PPWD1: variants seen among roughly 807,000 people sequenced by gnomAD.
PPWD1 encodes peptidylprolyl isomerase domain and WD repeat containing 1.
Under a neutral mutation model 68.8 loss-of-function variants are expected in PPWD1, and 43 were observed. The ratio of observed to expected loss-of-function variants is 0.62; its 90% confidence interval spans 0.49 to 0.81. PPWD1 has a LOEUF of 0.81. Ranked by LOEUF, PPWD1 falls within the 30% of genes least tolerant of loss-of-function variation. The pLI is 0.00. For synonymous variants in PPWD1, 232 were observed against 258.7 expected (o/e 0.90, Z 0.99); for missense variants, 672 against 804.8 (o/e 0.83, Z 2.00).
intron 7 of PPWD1, 54 bp downstream of exon 7, chr5:65,579,667 ACTTTT>A: frequency 4.6e-6 from 6 of 1,306,372 alleles, no homozygotes; most frequent in Non-Finnish European, 6.0e-6. Flanking sequence ...GTTTGGTTTG[ACTTTT>A]CTTTGTTTGT....
At chr5:65,573,302 A>T (rs940825045) in intron 5 of PPWD1, among the ~76,000 whole-genome samples, 3 of 148,576 alleles carry the variant, frequency 2.0e-5, no homozygotes, top group Non-Finnish European at 4.5e-5. Context: ...TTTATTATTT[A>T]TTTATTTAAT....
At chr5:65,566,942 T>G (rs929454174) in intron 1 of PPWD1, among the ~76,000 whole-genome samples, 1 of 152,092 alleles carries the variant, frequency 6.6e-6, no homozygotes, top group Non-Finnish European at 1.5e-5. Context: ...TGGAAAAAAT[T>G]TGAGATACAT....
chr5:65,569,891 T>C lies in PPWD1; in HGVS notation c.414T>C (p.Ser138=). The change falls in exon 4 of 11, where the codon AGT becomes AGC. Residue 138 remains serine (S), a synonymous_variant. Coordinates refer to ENST00000261308, the MANE Select transcript of PPWD1 (RefSeq NM_015342.4). ...TTATTGAAATAGGAGTTATTGAGAG[T>C]ATTGCAGTTAGCTCTGAGGGAGCAT... ...HFRSHLGVIE[S]IAVSSEGALF... is the part of the protein sequence containing the mutation. 6.2e-7 allele frequency: 1 copy of C among 1,600,666 alleles called. No homozygotes were observed. The highest frequency in any genetic ancestry group is 8.6e-7 in the Non-Finnish European group (1 of 1,168,728).
chr5:65,587,187 C>A, intron 10 of PPWD1, 66 bp from the exon 11 acceptor site: 5 of 1,449,574 alleles, frequency 3.4e-6, no homozygotes, highest in Middle Eastern at 1.8e-4. Context: ...TTAATTTGCT[C>A]AACCAGAGGA....
At chr5:65,581,641 C>T (rs1753602882) in intron 7 of PPWD1, among the ~76,000 whole-genome samples, 1 of 152,166 alleles carries the variant, frequency 6.6e-6, no homozygotes, top group Admixed American at 6.5e-5. Context: ...AACACATACA[C>T]TAATTTTCCA....
At chr5:65,577,185 G>A in intron 6 of PPWD1, 116 bp downstream of exon 6, 1 of 1,412,040 alleles carries the variant, frequency 7.1e-7, no homozygotes, top group Non-Finnish European at 9.3e-7. Flanking sequence ...GGCCCCAAAT[G>A]TCTAAACTTA....
At chr5:65,580,430 C>T (rs1405927066) in intron 7 of PPWD1, among the ~76,000 whole-genome samples, 4 of 152,154 alleles carry the variant, frequency 2.6e-5, no homozygotes, top group Non-Finnish European at 5.9e-5. Flanking sequence ...GCTTTTTAAA[C>T]TCTGGGCCTT....
chr5:65,578,708 A>T (rs1368250076), intron 6 of PPWD1, among the ~76,000 whole-genome samples: 1 of 140,434 alleles, frequency 7.1e-6, no homozygotes, highest in Admixed American at 7.3e-5. Context: ...AGAGTTCTTT[A>T]TATATATGTA....
rs1455182937 is a variant in PPWD1, at chr5:65,586,006, T to C, written c.1622T>C (p.Met541Thr). Reference sequence around the variant, plus strand: ...TGTGTACTTTCTGTTAAGGGCTTTATGATTCAGACTGGAGATCCAACAGGT... The same window carrying C: ...TGTGTACTTTCTGTTAAGGGCTTTACGATTCAGACTGGAGATCCAACAGGT... ...HTFHRIIKGF[M>T]IQTGDPTGTG... The change falls in exon 10 of 11, where the codon ATG becomes ACG. Residue 541 changes from methionine to threonine, a missense_variant. Around this residue, in one of 2 missense-constraint regions of PPWD1, gnomAD observed 484 missense variants for 646.2 expected, o/e 0.75. Coordinates refer to ENST00000261308, the MANE Select transcript of PPWD1 (RefSeq NM_015342.4). 7.4e-6 allele frequency: 12 copies of C among 1,612,526 alleles called. No individual in the cohort carries two copies. Among genetic ancestry groups the C allele is most frequent in the Non-Finnish European group, 1.0e-5 (12 of 1,178,956 alleles).
At chr5:65,575,319 G>A (rs1753231386) in intron 5 of PPWD1, among the ~76,000 whole-genome samples, 1 of 152,150 alleles carries the variant, frequency 6.6e-6, no homozygotes, top group Admixed American at 6.5e-5. Context: ...CAGCATCCTA[G>A]GCTATTCCTG....
chr5:65,567,558 C>T lies in PPWD1; in HGVS notation c.242C>T (p.Ser81Phe), dbSNP rs1222131039. Residue 81 changes from serine to phenylalanine, a missense_variant, in exon 2 of 11, where the codon TCC becomes TTC. This residue lies in a region of PPWD1 where 188 missense variants were observed against 158.6 expected (regional missense o/e 1.19). Transcript: ENST00000261308. ...RVYLDNLPSA[S>F]MYERSYMHRD... ...TATCTTGATAATCTCCCCAGTGCAT[C>T]CATGTATGAGCGCAGTTACATGCAT... 1 of 1,611,880 alleles carries T rather than the reference C, an allele frequency of 6.2e-7. No homozygotes were observed. Among genetic ancestry groups the T allele is most frequent in the Non-Finnish European group, 8.5e-7 (1 of 1,178,876 alleles).
chr5:65,571,887 T>G lies in PPWD1; in HGVS notation c.570T>G (p.Ile190Met), dbSNP rs759844011. The change falls in exon 5 of 11, where the codon ATT becomes ATG. Residue 190 changes from isoleucine to methionine, a missense_variant. Around this residue, in one of 2 missense-constraint regions of PPWD1, gnomAD observed 484 missense variants for 646.2 expected, o/e 0.75. Transcript: ENST00000261308. ...CEWIYCPGDA[I>M]SSVAASEKST... ...GGATCTATTGCCCAGGGGATGCAAT[T>G]TCTTCAGTTGCTGCTTCCGAAAAGA... is the stretch of plus-strand genomic sequence containing the variant. The G allele has an allele frequency of 6.2e-7, 1 of 1,613,944 alleles. No homozygotes were observed.
chr5:65,567,319 C>T (rs1487894387), intron 1 of PPWD1, 194 bp from the exon 2 acceptor site: 1 of 512,462 alleles, frequency 2.0e-6, no homozygotes, highest in Non-Finnish European at 2.5e-6. Flanking sequence ...AATAATGACG[C>T]TATTCAGTGC....
intron 5 of PPWD1, among the ~76,000 whole-genome samples, chr5:65,576,121 G>A (rs1753269115): frequency 6.6e-6 from 1 of 151,792 alleles, no homozygotes; most frequent in Admixed American, 6.6e-5. Context: ...TTTTTATATT[G>A]TTGAGATGAT....
intron 1 of PPWD1, chr5:65,563,735 A>G: frequency 7.0e-7 from 1 of 1,430,472 alleles, no homozygotes; most frequent in Non-Finnish European, 9.5e-7. Flanking sequence ...TTGATTTGTT[A>G]TGACAGATGC....
intron 8 of PPWD1, among the ~76,000 whole-genome samples, chr5:65,583,490 T>C (rs1581165525): frequency 6.6e-6 from 1 of 152,206 alleles, no homozygotes; most frequent in South Asian, 2.1e-4. Context: ...GATACACAAA[T>C]GTGTATCACT....
chr5:65,577,135 G>A, intron 6 of PPWD1, 66 bp downstream of exon 6: 1 of 1,531,618 alleles, frequency 6.5e-7, no homozygotes, highest in East Asian at 2.3e-5. Flanking sequence ...CTCCATCATG[G>A]GAACAGTGGG....
At chr5:65,573,487 T>TATA (rs1753118407) in intron 5 of PPWD1, among the ~76,000 whole-genome samples, 1 of 60,334 alleles carries the variant, frequency 1.7e-5, no homozygotes, top group African/African-American at 7.2e-5. Flanking sequence ...TTTTTTTTTA[T>TATA]TAGAGATGGG....
At chr5:65,582,837 T>C (rs1753655469) in intron 7 of PPWD1, 3 of 599,712 alleles carry the variant, frequency 5.0e-6, no homozygotes, top group Non-Finnish European at 7.5e-6. Context: ...CAGTATGTTA[T>C]GTGGATCCTT....
Sources: allele counts gnomAD v4.1 joint callset (sites outside exome capture counted in the v4.1 genomes callset), GRCh38; gene constraint gnomAD v4.1.1; regional missense constraint gnomAD v4.1.1; transcripts MANE v1.5; gene names NCBI Gene and HGNC (gene_info 2026-07-23, HGNC 2026-07-21).